CPPED1: variants seen among roughly 807,000 people sequenced by gnomAD.
The protein encoded by CPPED1 is calcineurin like phosphoesterase domain containing 1.
Under a neutral mutation model 28.0 loss-of-function variants are expected in CPPED1, and 28 were observed. That is an observed-to-expected ratio of 1.00 (90% confidence interval 0.74 to 1.37). The LOEUF is 1.37. Ranked by LOEUF, CPPED1 falls within the 40% of genes most tolerant of loss-of-function variation. The probability of loss-of-function intolerance (pLI) is 0.00; values close to 1 mark genes in which losing one functional copy is unlikely to be tolerated. For missense variants in CPPED1, 504 were observed against 416.5 expected, an observed-to-expected ratio of 1.21 and a Z score of -1.83; for synonymous variants, 198 against 180.2, an observed-to-expected ratio of 1.10 and a Z score of -0.79.
chr16:12,694,775 AC>A lies in CPPED1; in HGVS notation c.715+9848del, dbSNP rs199988383. Among the ~76,000 whole-genome samples the A allele has an allele frequency of 1.2e-3, 159 of 128,736 alleles. 1 individual carries two copies. Among genetic ancestry groups the A allele is most frequent in the Middle Eastern group, 3.9e-3 (1 of 258 alleles). The allele number at this position is 128,736 out of a possible 152,430, so 84.5% of individuals were successfully genotyped here. On this transcript the variant is annotated intron_variant, in intron 3 of 3. Transcript: ENST00000381774. ...ATGAGTGTGAGATAGTTTTTTAAAA[AC>A]CCCCCCCTTTTTTTTTTTGAGATGG... is the stretch of plus-strand genomic sequence containing the variant.
At chr16:12,773,552 G>A (rs952548818) in intron 2 of CPPED1, among the ~76,000 whole-genome samples, 1 of 151,974 alleles carries the variant, frequency 6.6e-6, no homozygotes. Flanking sequence ...GTGAAACCCC[G>A]TCTCTACTAA....
intron 2 of CPPED1, among the ~76,000 whole-genome samples, chr16:12,723,014 G>A (rs952747456): frequency 6.6e-6 from 1 of 152,120 alleles, no homozygotes; most frequent in African/African-American, 2.4e-5. Context: ...GGTTATCAGC[G>A]GGGCTCTCTC....
In CPPED1 at chr16:12,665,023, G is replaced by A. The variant is rs1238351304; in HGVS notation, c.808C>T (p.Gln270Ter). ...DMVVSSAIGCQLGRDPHGLRV... is the reference protein window; with the variant it reads ...DMVVSSAIGC ...AGCCCGTGGGGGTCTCTGCCCAGCT[G>A]GCATCCAATGGCAGATGACACCACC... is the stretch of plus-strand genomic sequence containing the variant. Residue 270 changes from glutamine to a stop codon, truncating the protein, a stop_gained, in exon 4 of 4, where the codon CAG becomes TAG. Transcript: ENST00000381774. LOFTEE classifies it high-confidence loss of function. 1 of 1,609,460 alleles carries A rather than the reference G, an allele frequency of 6.2e-7. No homozygotes were observed. Among genetic ancestry groups the A allele is most frequent in the African/African-American group, 1.3e-5 (1 of 74,322 alleles).
At chr16:12,759,492 C>G (rs2080395422) in intron 2 of CPPED1, 1 of 152,244 alleles carries the variant, frequency 6.6e-6, no homozygotes, top group Non-Finnish European at 1.5e-5. Flanking sequence ...ATCAGGCCAT[C>G]TAGCTTTCAT....
rs869107040 is a variant in CPPED1 at position 12,689,217 on chromosome 16, C to CTTTTTTTTTT, written c.715+15397_715+15406dup. On this transcript the variant is annotated intron_variant, in intron 3 of 3. Transcript: ENST00000381774. ...TATGATCAGCTATATGAAAAGAGGG[C>CTTTTTTTTTT]TTTTTTTTTTTTTTTTTTTTTTTTA... is the stretch of plus-strand genomic sequence containing the variant. 1.6e-3 allele frequency among the ~76,000 whole-genome samples: 132 copies of CTTTTTTTTTT among 83,584 alleles called. 4 individuals carry two copies. Among genetic ancestry groups the CTTTTTTTTTT allele is most frequent in the African/African-American group, 6.3e-3 (126 of 20,084 alleles). The allele number at this position is 83,584 out of a possible 152,430, so 54.8% of individuals were successfully genotyped here.
intron 3 of CPPED1, among the ~76,000 whole-genome samples, chr16:12,678,833 A>G (rs1317544179): frequency 6.6e-6 from 1 of 152,192 alleles, no homozygotes; most frequent in African/African-American, 2.4e-5. Context: ...ATCATCTGCA[A>G]ATAGGCCATT....
intron 3 of CPPED1, among the ~76,000 whole-genome samples, chr16:12,691,970 T>TA (rs949388158): frequency 3.4e-4 from 48 of 142,304 alleles, no homozygotes; most frequent in African/African-American, 9.6e-4. Flanking sequence ...TAATACAAAA[T>TA]AAAAAAAAAA....
At chr16:12,729,778 ACT>A (rs2080188117) in intron 2 of CPPED1, among the ~76,000 whole-genome samples, 2 of 152,156 alleles carry the variant, frequency 1.3e-5, no homozygotes, top group Non-Finnish European at 2.9e-5. Flanking sequence ...AAGGCAGGAA[ACT>A]CTCAAGGACA....
At chr16:12,763,768 T>C (rs1040706032) in intron 2 of CPPED1, among the ~76,000 whole-genome samples, 8 of 152,162 alleles carry the variant, frequency 5.3e-5, no homozygotes, top group Non-Finnish European at 5.9e-5. Flanking sequence ...CACAAACGTA[T>C]GGACTCCAGG....
chr16:12,676,138 A>G (rs775447565), intron 3 of CPPED1, among the ~76,000 whole-genome samples: 1 of 152,174 alleles, frequency 6.6e-6, no homozygotes. Context: ...TCCCTGGTAT[A>G]TATCTTCCCC....
At position 12,762,588 on chromosome 16, in the gene CPPED1, C is replaced by A. The variant is rs80127286; in HGVS notation, c.289+18597G>T. ...TAAGTGAAAGAAGTCGATCCCAAGG[C>A]GCCGCATACTGTATATTTCATTTAT... On this transcript the variant is annotated intron_variant, in intron 2 of 3. Coordinates refer to ENST00000381774, the MANE Select transcript of CPPED1 (RefSeq NM_018340.3). 1.3e-5 allele frequency among the ~76,000 whole-genome samples: 2 copies of A among 152,110 alleles called. 1 individual carries two copies. Among genetic ancestry groups the A allele is most frequent in the Admixed American group, 1.3e-4 (2 of 15,264 alleles).
At chr16:12,685,503 G>A (rs113181572) in intron 3 of CPPED1, among the ~76,000 whole-genome samples, 2,216 of 152,244 alleles carry the variant, frequency 0.015, 49 homozygotes, top group African/African-American at 0.05. Context: ...ATAGCCTCAC[G>A]AGGCTGTTAG....
chr16:12,738,439 G>A (rs748443586), intron 2 of CPPED1, among the ~76,000 whole-genome samples: 4 of 151,270 alleles, frequency 2.6e-5, no homozygotes, highest in Admixed American at 6.6e-5. Context: ...ACACACACTC[G>A]CGCACACACA....
chr16:12,688,828 C>A (rs2079947230), intron 3 of CPPED1, among the ~76,000 whole-genome samples: 1 of 152,200 alleles, frequency 6.6e-6, no homozygotes, highest in Non-Finnish European at 1.5e-5. Flanking sequence ...ACAAATATAA[C>A]ACTAAGCAAA....
intron 2 of CPPED1, among the ~76,000 whole-genome samples, chr16:12,768,867 C>CTTTTTTTT (rs35322378): frequency 7.2e-6 from 1 of 138,044 alleles, no homozygotes; most frequent in Non-Finnish European, 1.6e-5. Flanking sequence ...TTTTCTTTTT[C>CTTTTTTTT]TTTTTTTTTT....
At chr16:12,795,671 G>T (rs1187278547) in intron 1 of CPPED1, among the ~76,000 whole-genome samples, 4 of 152,214 alleles carry the variant, frequency 2.6e-5, no homozygotes, top group African/African-American at 4.8e-5. Context: ...CAACACCTTG[G>T]TCTCAGCTTT....
intron 3 of CPPED1, among the ~76,000 whole-genome samples, chr16:12,669,103 T>G (rs1163533652): frequency 6.6e-6 from 1 of 152,188 alleles, no homozygotes; most frequent in Non-Finnish European, 1.5e-5. Context: ...TGATGATGGA[T>G]AAACAAAATG....
At chr16:12,714,812 T>C (rs2080098790) in intron 2 of CPPED1, among the ~76,000 whole-genome samples, 1 of 152,224 alleles carries the variant, frequency 6.6e-6, no homozygotes, top group Non-Finnish European at 1.5e-5. Context: ...GTCCAATTTA[T>C]CTATTTTCTG....
chr16:12,734,644 G>A (rs536320239), intron 2 of CPPED1, among the ~76,000 whole-genome samples: 2 of 152,300 alleles, frequency 1.3e-5, no homozygotes, highest in East Asian at 3.9e-4. Flanking sequence ...CTCCCAAAGT[G>A]CTGGGAATAA....
Sources: gnomAD v4.1 joint callset for allele counts (sites outside exome capture counted in the v4.1 genomes callset) on GRCh38, gnomAD v4.1.1 for gene constraint, MANE v1.5 for transcripts, NCBI Gene and HGNC (gene_info 2026-07-23, HGNC 2026-07-21) for gene names.